The following AVEN variants were observed in gnomAD, a reference collection of about 807,000 sequenced individuals.
AVEN encodes apoptosis and caspase activation inhibitor, also known as cell death regulator Aven.
In AVEN, 41 loss-of-function variants were observed where a neutral mutation model predicts 38.1. The observed-to-expected ratio is 1.08, with a 90% CI of 0.84 to 1.40. AVEN has a LOEUF of 1.40. AVEN is among the 40% of genes most tolerant of loss of function. AVEN has a pLI of 0.00. For missense variants in AVEN, 605 were observed against 438.8 expected, an observed-to-expected ratio of 1.38 and a Z score of -3.38; for synonymous variants, 206 against 171.8, an observed-to-expected ratio of 1.20 and a Z score of -1.56.
chr15:33,868,663 G>A (rs150277469), intron 4 of AVEN, among the ~76,000 whole-genome samples: 42 of 151,970 alleles, frequency 2.8e-4, no homozygotes, highest in African/African-American at 9.4e-4. Context: ...ACTCTCCTTG[G>A]TAAAAAATGC....
intron 2 of AVEN, chr15:34,067,130 G>A (rs1900533493): frequency 6.6e-6 from 1 of 152,156 alleles, no homozygotes; most frequent in Non-Finnish European, 1.5e-5. Flanking sequence ...GTTACCTACT[G>A]GATGCTGTTA....
chr15:33,919,781 C>A (rs11854992), intron 2 of AVEN, among the ~76,000 whole-genome samples: 4,234 of 152,238 alleles, frequency 0.028, 221 homozygotes, highest in African/African-American at 0.097. Context: ...AGGTATTTGG[C>A]CTCATTCCCT....
chr15:33,927,256 A>AAATAATAATAAT (rs143126877), intron 2 of AVEN, among the ~76,000 whole-genome samples: 54 of 150,662 alleles, frequency 3.6e-4, no homozygotes, highest in Non-Finnish European at 7.1e-4. Flanking sequence ...CTCCATCTCA[A>AAATAATAATAAT]AATAATAATA....
chr15:33,983,148 G>GTGTA (rs1555512734), intron 2 of AVEN, among the ~76,000 whole-genome samples: 1 of 137,546 alleles, frequency 7.3e-6, no homozygotes, highest in Admixed American at 7.1e-5. Context: ...GTGTGTGTGT[G>GTGTA]TGTGTGTGTG....
At chr15:33,954,627 G>C (rs974540263) in intron 2 of AVEN, among the ~76,000 whole-genome samples, 3 of 126,344 alleles carry the variant, frequency 2.4e-5, no homozygotes, top group Non-Finnish European at 3.2e-5. Flanking sequence ...ACAGGGTGGG[G>C]AACATCACAC....
At chr15:33,979,151 C>G (rs558087432) in intron 2 of AVEN, among the ~76,000 whole-genome samples, 1 of 152,258 alleles carries the variant, frequency 6.6e-6, no homozygotes, top group South Asian at 2.1e-4. Context: ...AGGACACAAC[C>G]ACAGAAGAGT....
At chr15:34,065,143 T>G (rs1900477139) in intron 4 of AVEN, 1 of 159,506 alleles carries the variant, frequency 6.3e-6, no homozygotes, top group South Asian at 2.1e-4. Flanking sequence ...TCTAAACAGA[T>G]ATTGTGCATT....
chr15:33,871,113 C>A, intron 3 of AVEN, 83 bp from the exon 4 acceptor site: 1 of 896,604 alleles, frequency 1.1e-6, no homozygotes, highest in South Asian at 3.4e-5. Flanking sequence ...GTAAATAATC[C>A]ACTGGAGTTA....
At chr15:33,943,308 T>C (rs1567426340) in intron 2 of AVEN, among the ~76,000 whole-genome samples, 1 of 152,190 alleles carries the variant, frequency 6.6e-6, no homozygotes, top group Non-Finnish European at 1.5e-5. Context: ...TGCTACAACA[T>C]GGATGAACCT....
chr15:34,022,640 T>C (rs959233530), intron 1 of AVEN, among the ~76,000 whole-genome samples: 2 of 152,224 alleles, frequency 1.3e-5, no homozygotes, highest in Non-Finnish European at 2.9e-5. Context: ...GTTAGAATAC[T>C]AACATTATGG....
At chr15:33,858,143 G>A (rs552883636), downstream of AVEN, 136 of 562,000 alleles carry the variant, frequency 2.4e-4, no homozygotes, top group Non-Finnish European at 3.8e-4. Context: ...TAAGCCCCGT[G>A]GAAAGGGAAG....
chr15:33,863,196 C>T (rs750506155), downstream of AVEN, among the ~76,000 whole-genome samples: 46 of 152,104 alleles, frequency 3.0e-4, no homozygotes, highest in Non-Finnish European at 4.1e-4. Flanking sequence ...CGTGTTTGAG[C>T]CTCCCACCTA....
intron 3 of AVEN, among the ~76,000 whole-genome samples, chr15:33,872,089 G>A (rs991198468): frequency 6.6e-6 from 1 of 152,172 alleles, no homozygotes; most frequent in African/African-American, 2.4e-5. Flanking sequence ...CTGCAGACAG[G>A]AGCAGACAAC....
At chr15:34,032,297 G>A (rs1009550239) in intron 1 of AVEN, among the ~76,000 whole-genome samples, 6 of 152,148 alleles carry the variant, frequency 3.9e-5, no homozygotes, top group Admixed American at 3.3e-4. Flanking sequence ...AACCTCTCTA[G>A]AGGTCACTTG....
intron 2 of AVEN, among the ~76,000 whole-genome samples, chr15:33,992,688 A>G (rs1597324064): frequency 6.6e-6 from 1 of 152,166 alleles, no homozygotes; most frequent in Non-Finnish European, 1.5e-5. Context: ...AGCTGAATCA[A>G]TGAGGACAAA....
chr15:33,917,878 G>C (rs139457373), intron 2 of AVEN, among the ~76,000 whole-genome samples: 45 of 152,162 alleles, frequency 3.0e-4, no homozygotes, highest in African/African-American at 1.1e-3. Context: ...CAGGTGATGC[G>C]TGCACCAAAA....
At chr15:33,854,431 A>T, downstream of AVEN, 1 of 1,575,416 alleles carries the variant, frequency 6.3e-7, no homozygotes, top group South Asian at 1.2e-5. Flanking sequence ...GGAAGCTTGG[A>T]GTTGTTTTTA....
intron 5 of AVEN, chr15:34,062,572 A>G (rs928544856): frequency 1.5e-6 from 1 of 657,354 alleles, no homozygotes. Flanking sequence ...AAAAAAAAAA[A>G]AACTATAAAC....
chr15:33,933,524 C>CACACACACACACACACACACAG (rs1893945145), intron 2 of AVEN, among the ~76,000 whole-genome samples: 6 of 46,652 alleles, frequency 1.3e-4, no homozygotes, highest in East Asian at 7.1e-4. Flanking sequence ...CACACACACA[C>CACACACACACACACACACACAG]AGAGAGAGAG....
Sources: gnomAD v4.1 joint callset for allele counts (sites outside exome capture counted in the v4.1 genomes callset) on GRCh38, gnomAD v4.1.1 for gene constraint, MANE v1.5 for transcripts, NCBI Gene and HGNC (gene_info 2026-07-23, HGNC 2026-07-21) for gene names.